Variants in LAMA3 observed in about 807,000 individuals in gnomAD.
LAMA3 encodes laminin subunit alpha 3, also known as laminin subunit alpha-3.
A neutral mutation model predicts 402.0 loss-of-function variants in LAMA3; 281 were observed. That is an observed-to-expected ratio of 0.70 (90% CI 0.63 to 0.77). LAMA3 has a LOEUF of 0.77. Ranked by LOEUF, LAMA3 falls within the 30% of genes least tolerant of loss-of-function variation. The pLI, the probability that LAMA3 is intolerant of heterozygous loss-of-function variation, is 0.00. For synonymous variants in LAMA3, 1,431 were observed against 1,558.4 expected (o/e 0.92, Z 1.93); for missense variants, 3,840 against 4,215.5 (o/e 0.91, Z 2.47).
intron 64 of LAMA3, 123 bp downstream of exon 64, chr18:23,928,888 T>A: frequency 1.1e-6 from 1 of 923,790 alleles, no homozygotes; most frequent in Non-Finnish European, 1.8e-6. Context: ...ACACAGTAAA[T>A]GCTATTGTAT....
At chr18:23,836,846 C>G (rs989691863) in intron 24 of LAMA3, 135 bp from the exon 25 acceptor site, 9 of 705,848 alleles carry the variant, frequency 1.3e-5, no homozygotes, top group African/African-American at 7.0e-5. Flanking sequence ...TTCAACTCAT[C>G]ATGCAGGAAA....
chr18:23,862,069 T>C (rs2064237968), intron 35 of LAMA3, among the ~76,000 whole-genome samples: 1 of 152,242 alleles, frequency 6.6e-6, no homozygotes, highest in Admixed American at 6.5e-5. Flanking sequence ...TTTTACCTAA[T>C]GTCAAAGAAT....
rs868381372 is a variant in LAMA3 at position 23,882,015 on chromosome 18, G to T, written c.5192G>T (p.Cys1731Phe). Residue 1731 changes from cysteine (C) to phenylalanine (F), a missense_variant, in exon 40 of 75, where the codon TGC becomes TTC. Transcript: ENST00000313654. ...TATGGCAACGCCGTCCACGGATCCT[G>T]CAGGGCCTGCCCATGTCCTCACACT... Reference protein sequence around the residue: ...GYYGNAVHGSCRACPCPHTNS... With the variant: ...GYYGNAVHGSFRACPCPHTNS... 1 of 1,613,714 alleles carries T rather than the reference G, an allele frequency of 6.2e-7. No individual in the cohort carries two copies. Among genetic ancestry groups the T allele is most frequent in the East Asian group, 2.2e-5 (1 of 44,866 alleles).
At chr18:23,722,331 G>T (rs1243468390) in intron 2 of LAMA3, among the ~76,000 whole-genome samples, 1 of 152,170 alleles carries the variant, frequency 6.6e-6, no homozygotes, top group African/African-American at 2.4e-5. Flanking sequence ...AGAGGCACTT[G>T]CTAAGCTGTG....
At chr18:23,743,049 A>G (rs2061589592) in intron 2 of LAMA3, among the ~76,000 whole-genome samples, 1 of 152,164 alleles carries the variant, frequency 6.6e-6, no homozygotes, top group Admixed American at 6.5e-5. Context: ...CTCTTTTCTG[A>G]GGATATAGGA....
chr18:23,689,641 C>G lies in LAMA3; in HGVS notation c.-43C>G, dbSNP rs926660800. ...GGCGGAGAGCGGCGGTGCCCCCGAG[C>G]CCCTCTGCGGACGGCTCAGGCGGGA... On this transcript the variant is annotated 5_prime_UTR_variant, in exon 1 of 75. Coordinates refer to ENST00000313654, the MANE Select transcript of LAMA3 (RefSeq NM_198129.4). The G allele has an allele frequency of 8.0e-7, 1 of 1,251,990 alleles. No homozygotes were observed. Among genetic ancestry groups the G allele is most frequent in the South Asian group, 3.3e-5 (1 of 30,216 alleles). The allele number at this position is 1,251,990 out of a possible 1,614,324, so 77.6% of individuals were successfully genotyped here.
Position 23,705,028 on chromosome 18 carries a change from T to C in LAMA3, c.295-8892T>C, listed in dbSNP as rs553771742. On this transcript the variant is annotated intron_variant, in intron 1 of 74. Coordinates refer to ENST00000313654, the MANE Select transcript of LAMA3 (RefSeq NM_198129.4). ...ATGGGAACAGTCCTATCTCCTTTCTTCATAGCCCCTTCCATTACATTTTCT... is the reference window on the plus strand; with the variant it reads ...ATGGGAACAGTCCTATCTCCTTTCTCCATAGCCCCTTCCATTACATTTTCT... 2.6e-5 allele frequency among the ~76,000 whole-genome samples: 4 copies of C among 152,328 alleles called. No homozygotes were observed. In the East Asian group the frequency reaches 7.7e-4, roughly 29 times the overall value.
At position 23,763,485 on chromosome 18, in the gene LAMA3, G is replaced by T; in HGVS notation, c.1144G>T (p.Gly382Cys). 1 of 1,613,312 alleles carries T rather than the reference G, an allele frequency of 6.2e-7. No individual in the cohort carries two copies. ...ERQQASLNTQ[G>C]IYAGGGVCIN... ...GCAGCAGGCAAGCTTGAATACCCAG[G>T]GCATCTATGCTGGTGGAGGGGTCTG... The change falls in exon 8 of 75, where the codon GGC (glycine) becomes TGC (cysteine). Residue 382 changes from glycine (G) to cysteine (C), a missense_variant. Around this residue, in one of 3 missense-constraint regions of LAMA3, gnomAD observed 2,109 missense variants for 2,376.0 expected, o/e 0.89. Coordinates refer to ENST00000313654, the MANE Select transcript of LAMA3 (RefSeq NM_198129.4).
chr18:23,951,857 C>T (rs2145574853), intron 73 of LAMA3, 80 bp downstream of exon 73: 1 of 1,093,748 alleles, frequency 9.1e-7, no homozygotes, highest in Non-Finnish European at 1.4e-6. Flanking sequence ...CAAAGGCAGC[C>T]TCAGCCCCTC....
intron 74 of LAMA3, among the ~76,000 whole-genome samples, chr18:23,953,415 C>T (rs981888943): frequency 4.0e-5 from 6 of 148,714 alleles, no homozygotes; most frequent in Non-Finnish European, 8.9e-5. Flanking sequence ...GATCTCAGCT[C>T]ACCACAACCT....
At chr18:23,914,297 C>T (rs2081533207) in intron 56 of LAMA3, 113 bp from the exon 57 acceptor site, 1 of 1,067,410 alleles carries the variant, frequency 9.4e-7, no homozygotes, top group African/African-American at 1.6e-5. Context: ...TCTGTCTCTC[C>T]AAGGCTTATT....
chr18:23,924,550 T>C (rs1355574309), intron 62 of LAMA3, among the ~76,000 whole-genome samples: 10 of 147,994 alleles, frequency 6.8e-5, no homozygotes, highest in Admixed American at 2.7e-4. Context: ...TTTCTTTTTT[T>C]TTTTTTTTTT....
intron 25 of LAMA3, 24 bp from the exon 26 acceptor site, chr18:23,838,749 ATGTGCCTT>A (rs2063635977): frequency 7.9e-7 from 1 of 1,259,452 alleles, no homozygotes; most frequent in Non-Finnish European, 1.2e-6. Context: ...GGTAACTGCA[ATGTGCCTT>A]TGTGCATTGT....
At chr18:23,823,766 A>C (rs1359671301) in intron 20 of LAMA3, among the ~76,000 whole-genome samples, 1 of 152,214 alleles carries the variant, frequency 6.6e-6, no homozygotes, top group Admixed American at 6.5e-5. Flanking sequence ...GCAATAGTTT[A>C]TTTCTTTCTG....
At chr18:23,823,832 CT>C (rs1167654346) in intron 20 of LAMA3, among the ~76,000 whole-genome samples, 2 of 152,056 alleles carry the variant, frequency 1.3e-5, no homozygotes, top group African/African-American at 4.8e-5. Flanking sequence ...ATATTTTTTC[CT>C]GAAAACAAAC....
In LAMA3 at chr18:23,867,901, G is replaced by C. The variant is rs771786290; in HGVS notation, c.4751G>C (p.Arg1584Pro). Residue 1584 changes from arginine to proline, a missense_variant, in exon 37 of 75, where the codon CGA becomes CCA. This residue lies in a region of LAMA3 where 2,109 missense variants were observed against 2,376.0 expected (regional missense o/e 0.89). Coordinates refer to ENST00000313654, the MANE Select transcript of LAMA3 (RefSeq NM_198129.4). ...CGGCCAGACCGGCTGCATCATGGAC[G>C]AGTGCACGTGGTCGAGGTAAAGGAA... ...TPRPDRLHHGRVHVVEGNFRH... is the reference protein window; with the variant it reads ...TPRPDRLHHGPVHVVEGNFRH... 6.2e-7 allele frequency: 1 copy of C among 1,614,022 alleles called. No individual in the cohort carries two copies. Among genetic ancestry groups the C allele is most frequent in the South Asian group, 1.1e-5 (1 of 91,076 alleles).
At position 23,812,165 on chromosome 18, in the gene LAMA3, T is replaced by G. The variant is rs147373787; in HGVS notation, c.1742-892T>G. On this transcript the variant is annotated intron_variant, in intron 13 of 74. Coordinates refer to ENST00000313654, the MANE Select transcript of LAMA3 (RefSeq NM_198129.4). ...TGGGATTACAGGCGTGAGCCACCAC[T>G]CCCAGCCTCTAGAAAATATTTTTTA... 1.9e-3 allele frequency among the ~76,000 whole-genome samples: 287 copies of G among 152,182 alleles called. 1 individual carries two copies. Among genetic ancestry groups the G allele is most frequent in the East Asian group, 6.6e-3 (34 of 5,140 alleles).
rs148545509 is a variant in LAMA3, at chr18:23,811,043, C to T, written c.1741+540C>T. 6.1e-3 allele frequency among the ~76,000 whole-genome samples: 922 copies of T among 152,152 alleles called. 7 individuals carry two copies. Among genetic ancestry groups the T allele is most frequent in the African/African-American group, 0.02 (848 of 41,506 alleles). ...ACTTCAGCCCAAGTGTTGGGGAAGG[C>T]GGGTGGGATGCACTGGAGTCTATGC... On this transcript the variant is annotated intron_variant, in intron 13 of 74. Coordinates refer to ENST00000313654, the MANE Select transcript of LAMA3 (RefSeq NM_198129.4).
At chr18:23,906,664 C>T (rs2081259374) in intron 52 of LAMA3, among the ~76,000 whole-genome samples, 1 of 152,046 alleles carries the variant, frequency 6.6e-6, no homozygotes, top group Non-Finnish European at 1.5e-5. Context: ...CTTTCCTTCA[C>T]ATGTTAAAAA....
Sources: gnomAD v4.1 joint callset for allele counts (sites outside exome capture counted in the v4.1 genomes callset) on GRCh38, gnomAD v4.1.1 for gene constraint, gnomAD v4.1.1 regional missense constraint, MANE v1.5 for transcripts, NCBI Gene and HGNC (gene_info 2026-07-23, HGNC 2026-07-21) for gene names.